CPQ: variants seen among roughly 807,000 people sequenced by gnomAD.
CPQ encodes the protein carboxypeptidase Q.
In CPQ, 37 loss-of-function variants were observed where a neutral mutation model predicts 45.7. That is an observed-to-expected ratio of 0.81 (90% CI 0.62 to 1.07). The LOEUF is 1.07. Ranked by LOEUF, CPQ falls within the 50% of genes least tolerant of loss-of-function variation. The pLI is 0.00. For synonymous variants in CPQ, 186 were observed against 205.8 expected (o/e 0.90, Z 0.82); for missense variants, 537 against 572.9 (o/e 0.94, Z 0.64).
intron 1 of CPQ, among the ~76,000 whole-genome samples, chr8:96,750,761 T>C (rs1810247525): frequency 6.6e-6 from 1 of 152,056 alleles, no homozygotes; most frequent in African/African-American, 2.4e-5. Context: ...ATCCATTAGC[T>C]TTTCTTCCTG....
intron 1 of CPQ, among the ~76,000 whole-genome samples, chr8:96,771,510 C>T (rs1013350218): frequency 1.3e-5 from 2 of 151,998 alleles, no homozygotes; most frequent in Non-Finnish European, 2.9e-5. Context: ...TATCCCCCAT[C>T]ATGTGAAAAA....
At chr8:96,908,374 T>C (rs1289515927) in intron 4 of CPQ, among the ~76,000 whole-genome samples, 1 of 152,074 alleles carries the variant, frequency 6.6e-6, no homozygotes, top group African/African-American at 2.4e-5. Context: ...GCAAGAGAGA[T>C]TAGTGATGTA....
intron 1 of CPQ, among the ~76,000 whole-genome samples, chr8:96,718,418 T>A (rs1206840268): frequency 1.3e-5 from 2 of 152,014 alleles, no homozygotes; most frequent in Non-Finnish European, 2.9e-5. Flanking sequence ...ACCTTCGCGG[T>A]GAGTGTTACA....
chr8:96,805,694 G>T lies in CPQ; in HGVS notation c.433+20364G>T, dbSNP rs530333576. On this transcript the variant is annotated intron_variant, in intron 2 of 7. Transcript: ENST00000220763. ...GTTTGATTCCATTACAATAATAATC[G>T]CTGAGTCAGACTTTCACCCCACTGT... Among the ~76,000 whole-genome samples, 3 of 151,950 alleles carry T rather than the reference G, an allele frequency of 2.0e-5. No homozygotes were observed. The South Asian group carries it at 6.2e-4, about 32-fold the overall frequency.
chr8:96,834,918 TTCAACCCAGCTGATGGGAAAC>T, intron 2 of CPQ, 34 bp from the exon 3 acceptor site: 1 of 1,527,334 alleles, frequency 6.5e-7, no homozygotes, highest in Admixed American at 1.8e-5. Context: ...CCTGTGCCAA[TTCAACCCAGCTGATGGGAAAC>T]TGTAAGTTAA....
At position 96,854,557 on chromosome 8, in the gene CPQ, A is replaced by AAAAAAC. The variant is rs1554573253; in HGVS notation, c.641+19379_641+19380insAAACAA. 2.1e-4 allele frequency among the ~76,000 whole-genome samples: 16 copies of AAAAAAC among 76,888 alleles called. 3 individuals are homozygous for AAAAAAC. The highest frequency in any genetic ancestry group is 6.5e-4 in the African/African-American group (13 of 20,040). The allele number at this position is 76,888 out of a possible 152,430, so 50.4% of individuals were successfully genotyped here. On this transcript the variant is annotated intron_variant, in intron 3 of 7. Transcript: ENST00000220763. ...AAAAAAAAAAAAAAAAAAAAAAAAA[A>AAAAAAC]AATGTGGTGGAACTAAAAGCCCAGT... is the stretch of plus-strand genomic sequence containing the variant.
chr8:97,114,960 T>C (rs1462829106), intron 7 of CPQ, among the ~76,000 whole-genome samples: 1 of 152,206 alleles, frequency 6.6e-6, no homozygotes, highest in Non-Finnish European at 1.5e-5. Flanking sequence ...TTTTGAAATG[T>C]ACAGAGCACA....
rs111803847 is a variant in CPQ at position 96,744,445 on chromosome 8, G to A, written c.-34-40419G>A. Among the ~76,000 whole-genome samples the A allele has an allele frequency of 1.2e-3, 184 of 152,324 alleles. 1 individual carries two copies. The highest frequency in any genetic ancestry group is 3.5e-3 in the African/African-American group (146 of 41,578). On this transcript the variant is annotated intron_variant, in intron 1 of 7. Coordinates refer to ENST00000220763, the MANE Select transcript of CPQ (RefSeq NM_016134.4). ...CAGAAATCACCTGTCTTCTGCGTCGGTCATGCTGGGAGCTGTAGACCGGAG... is the reference window on the plus strand; with the variant it reads ...CAGAAATCACCTGTCTTCTGCGTCGATCATGCTGGGAGCTGTAGACCGGAG...
rs578013888 is a variant in CPQ at position 96,697,070 on chromosome 8, A to G, written c.-35+51668A>G. 4.6e-5 allele frequency among the ~76,000 whole-genome samples: 7 copies of G among 152,286 alleles called. No individual in the cohort carries two copies. In the South Asian group the frequency reaches 1.0e-3, roughly 23 times the overall value. On this transcript the variant is annotated intron_variant, in intron 1 of 7. Coordinates refer to ENST00000220763, the MANE Select transcript of CPQ (RefSeq NM_016134.4). ...ACCAAACAATGACACATTGAAAGAC[A>G]AAAACAAAAAATTACAGGCCAATCT...
chr8:96,850,953 G>A (rs1811763574), intron 3 of CPQ, among the ~76,000 whole-genome samples: 1 of 152,070 alleles, frequency 6.6e-6, no homozygotes, highest in Non-Finnish European at 1.5e-5. Context: ...TTAAGTTTGT[G>A]GATTCATATC....
At chr8:97,016,600 T>A (rs1809584312) in intron 5 of CPQ, among the ~76,000 whole-genome samples, 2 of 152,098 alleles carry the variant, frequency 1.3e-5, no homozygotes. Context: ...TAAGGGTGGC[T>A]GAAAATGAAA....
At chr8:97,118,505 A>T (rs1811634704) in intron 7 of CPQ, among the ~76,000 whole-genome samples, 1 of 152,242 alleles carries the variant, frequency 6.6e-6, no homozygotes, top group Non-Finnish European at 1.5e-5. Flanking sequence ...AATGTTGTTT[A>T]GGACAAGTGA....
At chr8:97,022,182 T>C (rs943417360) in intron 5 of CPQ, among the ~76,000 whole-genome samples, 6 of 152,150 alleles carry the variant, frequency 3.9e-5, no homozygotes, top group African/African-American at 1.4e-4. Flanking sequence ...GCAAGCCACA[T>C]GTAGGAGAAT....
At chr8:96,753,510 G>GTGA (rs1481877002) in intron 1 of CPQ, among the ~76,000 whole-genome samples, 2 of 139,194 alleles carry the variant, frequency 1.4e-5, no homozygotes, top group Non-Finnish European at 1.7e-5. Context: ...ATTTGTTTAA[G>GTGA]TTTTCTTCTA....
chr8:96,936,849 C>G (rs778376211), intron 4 of CPQ, among the ~76,000 whole-genome samples: 6 of 152,126 alleles, frequency 3.9e-5, no homozygotes, highest in Non-Finnish European at 7.4e-5. Flanking sequence ...ATTACTTTAT[C>G]TTTACCTTGA....
chr8:97,109,714 A>T (rs556612709), intron 7 of CPQ, among the ~76,000 whole-genome samples: 49 of 151,788 alleles, frequency 3.2e-4, no homozygotes, highest in South Asian at 1.5e-3. Context: ...TTCTTGGTGA[A>T]TCCTATGGAA....
chr8:96,817,564 A>G (rs1267396325), intron 2 of CPQ, among the ~76,000 whole-genome samples: 1 of 151,900 alleles, frequency 6.6e-6, no homozygotes, highest in Non-Finnish European at 1.5e-5. Context: ...CCTATCAGCA[A>G]TAAGACTATT....
At chr8:96,897,065 C>T (rs1384104304) in intron 4 of CPQ, among the ~76,000 whole-genome samples, 3 of 152,094 alleles carry the variant, frequency 2.0e-5, no homozygotes, top group Non-Finnish European at 4.4e-5. Flanking sequence ...AAAATTGAGG[C>T]AGTATTATCA....
chr8:97,105,487 C>A (rs577259676), intron 7 of CPQ, among the ~76,000 whole-genome samples: 1 of 152,240 alleles, frequency 6.6e-6, no homozygotes, highest in South Asian at 2.1e-4. Context: ...TGAGTCGTTT[C>A]TACCTTTTGG....
Sources: allele counts gnomAD v4.1 joint callset (sites outside exome capture counted in the v4.1 genomes callset), GRCh38; gene constraint gnomAD v4.1.1; transcripts MANE v1.5; gene names NCBI Gene and HGNC (gene_info 2026-07-23, HGNC 2026-07-21).